The following PRKN variants were observed in gnomAD, a reference collection of about 807,000 sequenced individuals.
PRKN encodes the protein E3 ubiquitin-protein ligase parkin.
In PRKN, 56 loss-of-function variants were observed where a neutral mutation model predicts 59.5. The observed-to-expected ratio is 0.94, with a 90% CI of 0.76 to 1.18. PRKN has a LOEUF of 1.18. Among genes scored for constraint, PRKN ranks in the 50% most tolerant of loss-of-function variants. The pLI, the probability that PRKN is intolerant of heterozygous loss-of-function variation, is 0.00. For synonymous variants in PRKN, 250 were observed against 222.1 expected (o/e 1.13, Z -1.12); for missense variants, 657 against 596.4 (o/e 1.10, Z -1.06).
Position 161,497,423 on chromosome 6 carries a change from C to T in PRKN, c.1083+51431G>A, listed in dbSNP as rs1029960855. Among the ~76,000 whole-genome samples the T allele has an allele frequency of 2.0e-5, 3 of 152,170 alleles. No individual in the cohort carries two copies. The highest frequency in any genetic ancestry group is 7.2e-5 in the African/African-American group (3 of 41,454). On this transcript the variant is annotated intron_variant, in intron 9 of 11. Coordinates refer to ENST00000366898, the MANE Select transcript of PRKN (RefSeq NM_004562.3). This position sits in a 1 kb window ranked among gnomAD's most constrained non-coding sequence, Gnocchi z 4.6. ...TTTAAAGAAAAAAAAGTTCTTGCTC[C>T]TCTGTCTTGAACTGGGAATAAATTA...
intron 7 of PRKN, among the ~76,000 whole-genome samples, chr6:161,677,256 C>T (rs1208556307): frequency 6.6e-6 from 1 of 151,534 alleles, no homozygotes. Context: ...ATCAATAGTT[C>T]TCTACAATGA....
chr6:161,532,190 A>G (rs1365941317), intron 9 of PRKN, among the ~76,000 whole-genome samples: 3 of 137,488 alleles, frequency 2.2e-5, no homozygotes, highest in East Asian at 4.3e-4. Flanking sequence ...ATATATATAT[A>G]TAATCTATCT....
At chr6:162,471,035 A>G (rs935630891) in intron 1 of PRKN, among the ~76,000 whole-genome samples, 3 of 151,446 alleles carry the variant, frequency 2.0e-5, no homozygotes, top group African/African-American at 7.3e-5. Flanking sequence ...TGCTGGGATT[A>G]CAGGCATGAC....
intron 9 of PRKN, among the ~76,000 whole-genome samples, chr6:161,543,123 G>A (rs970989726): frequency 1.3e-5 from 2 of 152,054 alleles, no homozygotes; most frequent in Non-Finnish European, 2.9e-5. Flanking sequence ...TCAATAATTA[G>A]TTAAATCTTT....
intron 4 of PRKN, among the ~76,000 whole-genome samples, chr6:162,113,686 C>T (rs1007945334): frequency 9.9e-5 from 15 of 152,162 alleles, no homozygotes; most frequent in African/African-American, 1.4e-4. Context: ...TCGGTAGTTA[C>T]CCCAGGACAG....
At chr6:161,812,767 C>T (rs1791615049) in intron 6 of PRKN, among the ~76,000 whole-genome samples, 2 of 152,112 alleles carry the variant, frequency 1.3e-5, no homozygotes, top group Non-Finnish European at 2.9e-5. Flanking sequence ...GAAACTAAAG[C>T]CCTTAAATAT....
chr6:162,561,647 G>A (rs893602094), intron 1 of PRKN, among the ~76,000 whole-genome samples: 3 of 152,172 alleles, frequency 2.0e-5, no homozygotes, highest in Non-Finnish European at 2.9e-5. Flanking sequence ...AGCATCTCTG[G>A]GCACTAGGGG....
Position 161,428,143 on chromosome 6 carries a change from T to C in PRKN, c.1084-41266A>G, listed in dbSNP as rs1372939292. 2.0e-5 allele frequency among the ~76,000 whole-genome samples: 3 copies of C among 152,172 alleles called. No homozygotes were observed. The highest frequency in any genetic ancestry group is 7.2e-5 in the African/African-American group (3 of 41,446). ...TTCTGGCACTTGCACTGTGGGGGCC[T>C]TCCTCAAAGCCGTGCGCCTCCATCT... On this transcript the variant is annotated intron_variant, in intron 9 of 11. Transcript: ENST00000366898. The surrounding 1 kb of genome is among the most constrained non-coding windows in gnomAD (Gnocchi z 4.0).
chr6:162,316,346 T>G (rs2128119855), intron 2 of PRKN, among the ~76,000 whole-genome samples: 1 of 152,208 alleles, frequency 6.6e-6, no homozygotes, highest in East Asian at 1.9e-4. Context: ...ACCAGGCTTA[T>G]GAAGTTGGCT....
chr6:162,346,889 C>G (rs1784425902), intron 2 of PRKN, among the ~76,000 whole-genome samples: 1 of 151,724 alleles, frequency 6.6e-6, no homozygotes, highest in Non-Finnish European at 1.5e-5. Flanking sequence ...ATACATATAT[C>G]TATATATGTG....
chr6:162,010,043 T>A (rs549067914), intron 5 of PRKN, among the ~76,000 whole-genome samples: 69 of 151,276 alleles, frequency 4.6e-4, no homozygotes, highest in Non-Finnish European at 7.9e-4. Context: ...TACTATTTAA[T>A]GAAACAAACA....
At chr6:161,658,591 C>A (rs1228848236) in intron 7 of PRKN, among the ~76,000 whole-genome samples, 3 of 152,180 alleles carry the variant, frequency 2.0e-5, no homozygotes, top group Non-Finnish European at 4.4e-5. Flanking sequence ...TTACAAATCA[C>A]ATGCTGTCTT....
At chr6:161,887,639 T>C (rs1795203418) in intron 6 of PRKN, among the ~76,000 whole-genome samples, 1 of 150,150 alleles carries the variant, frequency 6.7e-6, no homozygotes, top group Admixed American at 6.7e-5. Context: ...AATACAAATA[T>C]CTTTACTCTG....
chr6:162,174,082 A>C (rs139366190), intron 4 of PRKN, among the ~76,000 whole-genome samples: 1 of 152,350 alleles, frequency 6.6e-6, no homozygotes, highest in African/African-American at 2.4e-5. Flanking sequence ...ATAAAATGTA[A>C]TGAGCAATCA....
At chr6:162,604,081 G>C (rs921694327) in intron 1 of PRKN, among the ~76,000 whole-genome samples, 5 of 152,086 alleles carry the variant, frequency 3.3e-5, no homozygotes, top group African/African-American at 1.2e-4. Context: ...GTGTGAGTTC[G>C]ACCTGAGGAC....
At chr6:161,392,215 T>C (rs1034500271) in intron 9 of PRKN, among the ~76,000 whole-genome samples, 47 of 150,640 alleles carry the variant, frequency 3.1e-4, no homozygotes, top group Admixed American at 2.8e-3. Flanking sequence ...GGATTACAGG[T>C]GTGAACCACC....
intron 2 of PRKN, among the ~76,000 whole-genome samples, chr6:162,339,500 G>T (rs867229222): frequency 0.056 from 7,417 of 131,776 alleles, 189 homozygotes; most frequent in African/African-American, 0.11. Flanking sequence ...CAGCCGCCCC[G>T]TCCGGGAGGG....
At chr6:162,250,879 C>T (rs1779405156) in intron 3 of PRKN, among the ~76,000 whole-genome samples, 1 of 148,286 alleles carries the variant, frequency 6.7e-6, no homozygotes, top group Admixed American at 6.8e-5. Context: ...TAGTTATTTC[C>T]AGGAGTTTCT....
rs565502244 is a variant in PRKN, at chr6:162,059,770, G to A, written c.535-5596C>T. On this transcript the variant is annotated intron_variant, in intron 4 of 11. Coordinates refer to ENST00000366898, the MANE Select transcript of PRKN (RefSeq NM_004562.3). ...CTCTTTTTTTTTGCCTAGTAATGACGATAACCAAGAAAAATATATAAATTA... is the reference window on the plus strand; with the variant it reads ...CTCTTTTTTTTTGCCTAGTAATGACAATAACCAAGAAAAATATATAAATTA... Among the ~76,000 whole-genome samples the A allele has an allele frequency of 5.3e-5, 8 of 151,996 alleles. No individual in the cohort carries two copies. The South Asian group carries it at 1.0e-3, about 20-fold the overall frequency.
Sources: gnomAD v4.1 joint callset for allele counts (sites outside exome capture counted in the v4.1 genomes callset) on GRCh38, gnomAD v4.1.1 for gene constraint, Gnocchi (gnomAD v3.1) non-coding constraint, MANE v1.5 for transcripts, NCBI Gene and HGNC (gene_info 2026-07-23, HGNC 2026-07-21) for gene names.